Variants in LONRF3 observed in about 807,000 individuals in gnomAD.
LONRF3 encodes LON peptidase N-terminal domain and RING finger protein 3.
In LONRF3, 19 loss-of-function variants were observed where a neutral mutation model predicts 51.7. The ratio of observed to expected loss-of-function variants is 0.37; its 90% CI spans 0.26 to 0.54. The LOEUF (loss-of-function observed/expected upper bound fraction) is 0.54, where lower values mean the gene tolerates loss of function less well. Among genes scored for constraint, LONRF3 ranks in the 20% least tolerant of loss-of-function variants. The pLI is 0.86. For missense variants in LONRF3, 521 were observed against 623.9 expected, an observed-to-expected ratio of 0.84 and a Z score of 1.76; for synonymous variants, 265 against 257.8, an observed-to-expected ratio of 1.03 and a Z score of -0.27.
At chrX:118,989,803 C>T (rs1923291951) in intron 4 of LONRF3, 131 bp downstream of exon 4, 1 of 634,468 alleles carries the variant, frequency 1.6e-6, no homozygotes, top group African/African-American at 2.3e-5. Flanking sequence ...CATTTACTAG[C>T]TGTGTGACCT....
Position 119,011,900 on chromosome X carries a change from C to T in LONRF3, c.1738C>T (p.Arg580Cys), listed in dbSNP as rs1213800611. The T allele has an allele frequency of 4.5e-5, 55 of 1,209,879 alleles. No homozygotes were observed. The highest frequency in any genetic ancestry group is 6.1e-5 in the Non-Finnish European group (55 of 895,092). Residue 580 changes from arginine (R) to cysteine (C), a missense_variant, in exon 8 of 11, where the codon CGC becomes TGC. Coordinates refer to ENST00000371628, the MANE Select transcript of LONRF3 (RefSeq NM_001031855.3). Reference sequence around the variant, plus strand: ...CCTGCACATCTTTGAGCCTTGTTACCGCCTGATGATTCGTAGATGCATTGA... The same window carrying T: ...CCTGCACATCTTTGAGCCTTGTTACTGCCTGATGATTCGTAGATGCATTGA... ...CPLHIFEPCY[R>C]LMIRRCIETG...
At chrX:119,002,307 C>T (rs1924374094) in intron 5 of LONRF3, among the ~76,000 whole-genome samples, 1 of 112,066 alleles carries the variant, frequency 8.9e-6, no homozygotes, top group South Asian at 3.7e-4. Context: ...TTTAGCTTTA[C>T]TACCCGAATA....
chrX:118,975,707 C>T, intron 1 of LONRF3, 110 bp downstream of exon 1: 1 of 70,024 alleles, frequency 1.4e-5, no homozygotes, highest in Non-Finnish European at 2.4e-5. Context: ...GAAGAGGGGG[C>T]GGGGGACCCA....
At chrX:119,001,824 A>G (rs1287579729) in intron 5 of LONRF3, among the ~76,000 whole-genome samples, 2 of 112,825 alleles carry the variant, frequency 1.8e-5, no homozygotes, top group Non-Finnish European at 3.7e-5. Flanking sequence ...TTAGCCAGCT[A>G]TATCTTTGTT....
In LONRF3 at chrX:118,974,806, T is replaced by A. The variant is rs768413474; in HGVS notation, c.26T>A (p.Met9Lys). Reference protein sequence around the residue: MESVRIEQMLSLPAEVSSD... With the variant: MESVRIEQKLSLPAEVSSD... ...ATGGAGTCAGTACGGATCGAACAGA[T>A]GCTGAGCTTGCCCGCTGAGGTCAGC... The change falls in exon 1 of 11, where the codon ATG (methionine) becomes AAG (lysine). Residue 9 changes from methionine to lysine, a missense_variant. Coordinates refer to ENST00000371628, the MANE Select transcript of LONRF3 (RefSeq NM_001031855.3). 8.3e-7 allele frequency: 1 copy of A among 1,207,978 alleles called. No individual in the cohort carries two copies. The highest frequency in any genetic ancestry group is 2.2e-5 in the Admixed American group (1 of 45,797).
At chrX:118,975,694 G>T (rs755141537) in intron 1 of LONRF3, 97 bp downstream of exon 1, 2 of 478,210 alleles carry the variant, frequency 4.2e-6, no homozygotes, top group Non-Finnish European at 5.8e-6. Flanking sequence ...TTGGACCAGG[G>T]CAGAAGAGGG....
chrX:118,993,124 C>A (rs1176475187), intron 5 of LONRF3, among the ~76,000 whole-genome samples: 1 of 110,592 alleles, frequency 9.0e-6, no homozygotes, highest in Non-Finnish European at 1.9e-5. Context: ...TCTAACACCC[C>A]CCCCCAAAAA....
chrX:119,007,156 A>G (rs1458877930), intron 6 of LONRF3, among the ~76,000 whole-genome samples: 1 of 112,646 alleles, frequency 8.9e-6, no homozygotes, highest in Non-Finnish European at 1.9e-5. Context: ...TAAATAGATG[A>G]TAAACTTGGA....
At chrX:119,005,778 G>A (rs138914918) in intron 5 of LONRF3, among the ~76,000 whole-genome samples, 215 of 111,401 alleles carry the variant, frequency 1.9e-3, no homozygotes, top group African/African-American at 6.3e-3. Context: ...GAACAGGTTG[G>A]CTAAATATTT....
At position 118,974,767 on chromosome X, in the gene LONRF3, G is replaced by T. The variant is rs1921839284; in HGVS notation, c.-14G>T. 3.4e-6 allele frequency: 4 copies of T among 1,172,119 alleles called. No homozygotes were observed. In the African/African-American group the frequency reaches 7.1e-5, roughly 21 times the overall value. ...GTCCCTAGACGCCTCGTCTCCTCCCGTGTCCCTCTTCCCATGGAGTCAGTA... is the reference window on the plus strand; with the variant it reads ...GTCCCTAGACGCCTCGTCTCCTCCCTTGTCCCTCTTCCCATGGAGTCAGTA... On this transcript the variant is annotated 5_prime_UTR_variant, in exon 1 of 11. Transcript: ENST00000371628.
At chrX:119,010,478 G>T (rs1320114812) in intron 7 of LONRF3, among the ~76,000 whole-genome samples, 1 of 111,201 alleles carries the variant, frequency 9.0e-6, no homozygotes, top group African/African-American at 3.3e-5. Context: ...TCAGAAACTA[G>T]AAATCGTTTT....
At chrX:119,009,356 G>A (rs747867558) in intron 7 of LONRF3, 109 bp downstream of exon 7, 1 of 830,427 alleles carries the variant, frequency 1.2e-6, no homozygotes, top group African/African-American at 2.1e-5. Flanking sequence ...CTAGCTGCTT[G>A]AAATTGGCTA....
intron 7 of LONRF3, among the ~76,000 whole-genome samples, chrX:119,009,672 G>A (rs969244990): frequency 2.7e-5 from 3 of 112,115 alleles, no homozygotes; most frequent in African/African-American, 9.7e-5. Context: ...ACCTCAAAGT[G>A]AGTCTACTTC....
chrX:118,988,164 G>A (rs7064296), intron 3 of LONRF3, among the ~76,000 whole-genome samples: 4,318 of 110,858 alleles, frequency 0.039, 192 homozygotes, highest in African/African-American at 0.13. Flanking sequence ...ATGCAGGTGC[G>A]CCCAACTTTT....
chrX:118,974,626 G>T lies in LONRF3; in HGVS notation c.-155G>T, dbSNP rs1274706792. 2 of 461,942 alleles carry T rather than the reference G, an allele frequency of 4.3e-6. No homozygotes were observed. Among genetic ancestry groups the T allele is most frequent in the East Asian group, 7.7e-5 (2 of 26,011 alleles). The allele number at this position is 461,942 out of a possible 1,213,427, so 38.1% of individuals were successfully genotyped here. ...GCTGAGACAAGACAGTTATTAGGCG[G>T]CGCGGGGCGGCCGGCATGGAGCTCC... On this transcript the variant is annotated 5_prime_UTR_variant, in exon 1 of 11. Coordinates refer to ENST00000371628, the MANE Select transcript of LONRF3 (RefSeq NM_001031855.3).
chrX:118,989,533 A>C lies in LONRF3; in HGVS notation c.1185A>C (p.Glu395Asp). ...DGQQHHMKDQ[E>D]EEEEKWDATS... ...AGCAGCACCACATGAAAGACCAGGA[A>C]GAAGAGGAGGAGAAGTGGGATGCTA... The change falls in exon 4 of 11, where the codon GAA becomes GAC. Residue 395 changes from glutamate (E) to aspartate (D), a missense_variant. Physicochemically the swap from Glu to Asp is conservative, Grantham distance 45. Around this residue, in one of 2 missense-constraint regions of LONRF3, gnomAD observed 376 missense variants for 376.7 expected, o/e 1.00. Coordinates refer to ENST00000371628, the MANE Select transcript of LONRF3 (RefSeq NM_001031855.3). The C allele has an allele frequency of 2.5e-6, 3 of 1,211,710 alleles. No individual in the cohort carries two copies. The highest frequency in any genetic ancestry group is 3.4e-6 in the Non-Finnish European group (3 of 895,506).
rs928762254 is a variant in LONRF3, at chrX:118,976,231, C to A, written c.817+634C>A. On this transcript the variant is annotated intron_variant, in intron 1 of 10. Coordinates refer to ENST00000371628, the MANE Select transcript of LONRF3 (RefSeq NM_001031855.3). ...AGGAGAGCACTGGTTGCATAAGGGCCGCGAGCGGCCCGGGTCGGGCGCCCC... is the reference window on the plus strand; with the variant it reads ...AGGAGAGCACTGGTTGCATAAGGGCAGCGAGCGGCCCGGGTCGGGCGCCCC... 2.6e-5 allele frequency: 3 copies of A among 113,619 alleles called. No homozygotes were observed. In the East Asian group the frequency reaches 8.5e-4, roughly 32 times the overall value. The allele number at this position is 113,619 out of a possible 1,213,427, so 9.4% of individuals were successfully genotyped here.
intron 1 of LONRF3, among the ~76,000 whole-genome samples, chrX:118,977,424 A>C (rs1399704122): frequency 1.8e-5 from 2 of 112,261 alleles, no homozygotes; most frequent in African/African-American, 6.5e-5. Context: ...AGTCAGGGTG[A>C]AAATGTCAAG....
At chrX:119,014,144 A>G in intron 9 of LONRF3, 63 bp from the exon 10 acceptor site, 1 of 1,123,986 alleles carries the variant, frequency 8.9e-7, no homozygotes, top group Non-Finnish European at 1.2e-6. Context: ...TCAGGTGTCA[A>G]AAGTGACTCT....
Sources: allele counts gnomAD v4.1 joint callset (sites outside exome capture counted in the v4.1 genomes callset), GRCh38; gene constraint gnomAD v4.1.1; regional missense constraint gnomAD v4.1.1; transcripts MANE v1.5; gene names NCBI Gene and HGNC (gene_info 2026-07-23, HGNC 2026-07-21).